ANGPT2: variants seen among roughly 807,000 people sequenced by gnomAD.
ANGPT2 encodes the protein angiopoietin-2.
A neutral mutation model predicts 62.9 loss-of-function variants in ANGPT2; 28 were observed. The ratio of observed to expected loss-of-function variants is 0.44; its 90% confidence interval spans 0.33 to 0.61. The LOEUF is 0.61. ANGPT2 is among the 20% of genes least tolerant of loss of function. ANGPT2 has a pLI of 0.03. For missense variants in ANGPT2, 727 were observed against 594.9 expected (o/e 1.22, Z -2.31); for synonymous variants, 284 against 207.8 (o/e 1.37, Z -3.15).
At chr8:6,535,632 T>G (rs1009953784) in intron 1 of ANGPT2, among the ~76,000 whole-genome samples, 4 of 152,254 alleles carry the variant, frequency 2.6e-5, no homozygotes, top group African/African-American at 9.6e-5. Flanking sequence ...TTGAAGCATG[T>G]ATCATTTAAA....
chr8:6,551,640 T>C (rs551848334), intron 1 of ANGPT2, among the ~76,000 whole-genome samples: 95 of 152,336 alleles, frequency 6.2e-4, no homozygotes, highest in Admixed American at 8.5e-4. Flanking sequence ...TTAAAAATGA[T>C]TCAGGTCAGG....
intron 1 of ANGPT2, among the ~76,000 whole-genome samples, chr8:6,541,147 C>G (rs1159694542): frequency 6.6e-6 from 1 of 152,218 alleles, no homozygotes; most frequent in East Asian, 1.9e-4. Context: ...TCCTGAAGAG[C>G]AAGTTGGGCC....
intron 7 of ANGPT2, among the ~76,000 whole-genome samples, chr8:6,512,495 A>G (rs986251759): frequency 2.0e-5 from 3 of 152,170 alleles, no homozygotes; most frequent in African/African-American, 7.2e-5. Flanking sequence ...TGGGTATTTC[A>G]TAATGTGTGC....
In ANGPT2 at chr8:6,499,641, A is replaced by T; in HGVS notation, c.*3460T>A. 1.9e-6 allele frequency: 1 copy of T among 517,244 alleles called. No individual in the cohort carries two copies. The highest frequency in any genetic ancestry group is 3.5e-6 in the Non-Finnish European group (1 of 288,360). The allele number at this position is 517,244 out of a possible 1,614,324, so 32.0% of individuals were successfully genotyped here. A position where few individuals can be genotyped will look rare whatever the true frequency, so the allele number is the denominator to read the frequency against. ...AGAATAATGACTCAGATTTCTTGTT[A>T]TCGTGAGACTTTTTCTCAATCAACT... is the stretch of plus-strand genomic sequence containing the variant. On this transcript the variant is annotated 3_prime_UTR_variant, in exon 9 of 9. Transcript: ENST00000629816.
chr8:6,544,387 G>C (rs1282431306), intron 1 of ANGPT2, among the ~76,000 whole-genome samples: 1 of 152,198 alleles, frequency 6.6e-6, no homozygotes, highest in Non-Finnish European at 1.5e-5. Context: ...ACTGCACATG[G>C]TGATTATGAC....
intron 1 of ANGPT2, among the ~76,000 whole-genome samples, chr8:6,548,737 ACAAGCATC>A (rs1823057097): frequency 6.6e-6 from 1 of 152,226 alleles, no homozygotes; most frequent in Non-Finnish European, 1.5e-5. Context: ...ATTGTGTATA[ACAAGCATC>A]TCTCTCTGAT....
intron 7 of ANGPT2, among the ~76,000 whole-genome samples, chr8:6,512,229 C>T (rs773198560): frequency 1.3e-4 from 20 of 152,166 alleles, no homozygotes; most frequent in Non-Finnish European, 2.5e-4. Context: ...GCAGGACATA[C>T]TGGGCATTGT....
At chr8:6,507,774 G>C (rs1814075881) in intron 8 of ANGPT2, 1 of 151,594 alleles carries the variant, frequency 6.6e-6, no homozygotes, top group South Asian at 2.1e-4. Context: ...GTAGAGATGG[G>C]GTTTCAACAT....
intron 2 of ANGPT2, among the ~76,000 whole-genome samples, chr8:6,530,973 T>C (rs1397485596): frequency 6.6e-6 from 1 of 151,590 alleles, no homozygotes; most frequent in African/African-American, 2.4e-5. Context: ...TAATATGGAG[T>C]GGGGATTGTT....
intron 8 of ANGPT2, among the ~76,000 whole-genome samples, chr8:6,506,883 C>G (rs1471361108): frequency 1.3e-5 from 2 of 151,648 alleles, no homozygotes; most frequent in Non-Finnish European, 2.9e-5. Context: ...ACTAAATCCT[C>G]CTTTTGACTG....
Position 6,562,635 on chromosome 8 carries a change from T to G in ANGPT2, c.288+12A>C, listed in dbSNP as rs755524366. The G allele has an allele frequency of 3.7e-6, 5 of 1,348,072 alleles. No homozygotes were observed. The highest frequency in any genetic ancestry group is 5.0e-6 in the Non-Finnish European group (5 of 1,006,180). 83.5% of individuals were successfully genotyped at this position (1,348,072 alleles called of 1,614,324 possible). ...TAGCATGTTCACAAAGACAGATGGA[T>G]TTTTTTCCTACCTTCATTAGCCACT... On this transcript the variant is annotated intron_variant, in intron 1 of 8. Transcript: ENST00000629816.
At chr8:6,543,449 A>C (rs973474715) in intron 1 of ANGPT2, among the ~76,000 whole-genome samples, 4 of 152,146 alleles carry the variant, frequency 2.6e-5, no homozygotes, top group Admixed American at 6.5e-5. Flanking sequence ...CTCTGCAGCA[A>C]CTTGAGACTC....
At chr8:6,518,462 G>T (rs1816714088) in intron 5 of ANGPT2, among the ~76,000 whole-genome samples, 1 of 152,130 alleles carries the variant, frequency 6.6e-6, no homozygotes, top group Admixed American at 6.5e-5. Context: ...AATTTTCAGG[G>T]TTGATTTAAC....
chr8:6,533,775 A>G (rs893432908), intron 1 of ANGPT2, among the ~76,000 whole-genome samples: 2 of 152,090 alleles, frequency 1.3e-5, no homozygotes, highest in Non-Finnish European at 2.9e-5. Flanking sequence ...AGAATTCTTT[A>G]TAGAGAAACC....
chr8:6,521,014 A>G (rs1817233614), intron 4 of ANGPT2, among the ~76,000 whole-genome samples, 164 bp downstream of exon 4: 1 of 149,276 alleles, frequency 6.7e-6, no homozygotes, highest in Non-Finnish European at 1.5e-5. Context: ...TTAGTATAAC[A>G]TATATTTCCC....
intron 7 of ANGPT2, among the ~76,000 whole-genome samples, chr8:6,511,228 T>C (rs557917497): frequency 9.3e-4 from 141 of 152,318 alleles, no homozygotes; most frequent in Admixed American, 2.7e-3. Context: ...AGTGCTTTCT[T>C]TAAAATTTGG....
At chr8:6,557,201 CCCGTGTTTGCTTTA>C (rs1483464137) in intron 1 of ANGPT2, among the ~76,000 whole-genome samples, 2 of 152,286 alleles carry the variant, frequency 1.3e-5, no homozygotes, top group Admixed American at 6.5e-5. Context: ...TGCGTGCTTT[CCCGTGTTTGCTTTA>C]CCGCTGGGCA....
At chr8:6,544,826 A>T (rs1822261543) in intron 1 of ANGPT2, among the ~76,000 whole-genome samples, 1 of 152,200 alleles carries the variant, frequency 6.6e-6, no homozygotes, top group Non-Finnish European at 1.5e-5. Context: ...AACTGTCGAC[A>T]TCAGGAAGAC....
chr8:6,562,335 AC>A (rs1825660284), intron 1 of ANGPT2, among the ~76,000 whole-genome samples: 1 of 152,054 alleles, frequency 6.6e-6, no homozygotes, highest in Non-Finnish European at 1.5e-5. Context: ...AACAAACAGA[AC>A]GGCACACAAG....
Sources: gnomAD v4.1 joint callset for allele counts (sites outside exome capture counted in the v4.1 genomes callset) on GRCh38, gnomAD v4.1.1 for gene constraint, MANE v1.5 for transcripts, NCBI Gene and HGNC (gene_info 2026-07-23, HGNC 2026-07-21) for gene names.